GRID2: variants seen among roughly 807,000 people sequenced by gnomAD.
GRID2 encodes glutamate ionotropic receptor delta type subunit 2.
A neutral mutation model predicts 114.8 loss-of-function variants in GRID2; 33 were observed. The ratio of observed to expected loss-of-function variants is 0.29; its 90% CI spans 0.22 to 0.38. The LOEUF is 0.38. Ranked by LOEUF, GRID2 falls within the 10% of genes least tolerant of loss-of-function variation. The pLI is 1.00. For synonymous variants in GRID2, 505 were observed against 449.9 expected (o/e 1.12, Z -1.55); for missense variants, 1,184 against 1,257.7 (o/e 0.94, Z 0.89).
At chr4:93,156,037 G>A (rs1737154334) in intron 4 of GRID2, among the ~76,000 whole-genome samples, 1 of 151,600 alleles carries the variant, frequency 6.6e-6, no homozygotes, top group African/African-American at 2.4e-5. Flanking sequence ...TTACCACAAT[G>A]TGATTGTTAC....
chr4:93,565,919 G>T (rs1015543756), intron 13 of GRID2, among the ~76,000 whole-genome samples: 5 of 152,052 alleles, frequency 3.3e-5, no homozygotes, highest in Non-Finnish European at 2.9e-5. Context: ...TAATTTAGAG[G>T]CACTATATTA....
intron 2 of GRID2, among the ~76,000 whole-genome samples, chr4:93,070,088 G>T (rs780262700): frequency 6.6e-6 from 1 of 152,034 alleles, no homozygotes; most frequent in Admixed American, 6.6e-5. Flanking sequence ...CACACAAAAA[G>T]TATTAGTGTC....
intron 9 of GRID2, among the ~76,000 whole-genome samples, chr4:93,419,233 A>G (rs1580016886): frequency 6.6e-6 from 1 of 151,786 alleles, no homozygotes; most frequent in Non-Finnish European, 1.5e-5. Flanking sequence ...TTTGAGAGTA[A>G]TATCTATGAC....
Position 93,207,426 on chromosome 4 carries a change from C to G in GRID2, c.758C>G (p.Ala253Gly), listed in dbSNP as rs748171779. ...ITEVVETNLVAFDCHWIIINE... is the reference protein window; with the variant it reads ...ITEVVETNLVGFDCHWIIINE... Reference sequence around the variant, plus strand: ...TAGGTTGTGGAGACTAATTTGGTTGCTTTTGACTGTCACTGGATCATTATA... The same window carrying G: ...TAGGTTGTGGAGACTAATTTGGTTGGTTTTGACTGTCACTGGATCATTATA... The change falls in exon 5 of 16, where the codon GCT (alanine) becomes GGT (glycine). Residue 253 changes from alanine to glycine, a missense_variant. Transcript: ENST00000282020. 8 of 1,602,990 alleles carry G rather than the reference C, an allele frequency of 5.0e-6. No homozygotes were observed. Among genetic ancestry groups the G allele is most frequent in the Non-Finnish European group, 6.8e-6 (8 of 1,170,524 alleles).
chr4:92,323,086 C>T (rs1726401010), intron 1 of GRID2, among the ~76,000 whole-genome samples: 2 of 152,030 alleles, frequency 1.3e-5, no homozygotes, highest in African/African-American at 2.4e-5. Flanking sequence ...AGTATTCTCA[C>T]ATGGAGTGTA....
chr4:92,572,659 C>A (rs1006833992), intron 1 of GRID2, among the ~76,000 whole-genome samples: 1 of 152,122 alleles, frequency 6.6e-6, no homozygotes, highest in Non-Finnish European at 1.5e-5. Flanking sequence ...GTATGTTGAA[C>A]CATCCTTGCA....
intron 2 of GRID2, among the ~76,000 whole-genome samples, chr4:92,695,204 G>A (rs745709845): frequency 4.6e-5 from 7 of 152,012 alleles, no homozygotes; most frequent in African/African-American, 9.7e-5. Context: ...GGGCTTAAGC[G>A]ACACACCTGC....
At chr4:92,526,534 G>A (rs575944117) in intron 1 of GRID2, among the ~76,000 whole-genome samples, 1 of 152,040 alleles carries the variant, frequency 6.6e-6, no homozygotes, top group African/African-American at 2.4e-5. Flanking sequence ...AGTAGAGCCA[G>A]GGTTTCACCA....
intron 2 of GRID2, among the ~76,000 whole-genome samples, chr4:92,767,444 A>G (rs569331859): frequency 1.6e-3 from 245 of 152,308 alleles, no homozygotes; most frequent in African/African-American, 5.8e-3. Context: ...TTGATAATCC[A>G]TAAACATGAT....
rs531051406 is a variant in GRID2 at position 92,331,704 on chromosome 4, T to C, written c.88+26960T>C. 1.4e-4 allele frequency among the ~76,000 whole-genome samples: 21 copies of C among 152,338 alleles called. 1 individual carries two copies. Among genetic ancestry groups the C allele is most frequent in the Admixed American group, 1.1e-3 (17 of 15,294 alleles). On this transcript the variant is annotated intron_variant, in intron 1 of 15. Coordinates refer to ENST00000282020, the MANE Select transcript of GRID2 (RefSeq NM_001510.4). ...ACCCTATTGAGCCAGACAATTTTTT[T>C]AAAATCCTGGTTTACATAACACTGT... is the stretch of plus-strand genomic sequence containing the variant.
chr4:93,396,012 A>G (rs1765295459), intron 9 of GRID2, among the ~76,000 whole-genome samples: 1 of 151,998 alleles, frequency 6.6e-6, no homozygotes, highest in Non-Finnish European at 1.5e-5. Flanking sequence ...TCTTTCATTA[A>G]AACTGTAGTG....
At chr4:92,328,021 A>G (rs1252501513) in intron 1 of GRID2, among the ~76,000 whole-genome samples, 3 of 152,090 alleles carry the variant, frequency 2.0e-5, no homozygotes, top group Admixed American at 2.0e-4. Context: ...GTTTGCTTCT[A>G]ATATATGTTA....
intron 14 of GRID2, among the ~76,000 whole-genome samples, chr4:93,672,277 A>AC (rs747088473): frequency 9.2e-5 from 14 of 151,928 alleles, no homozygotes; most frequent in East Asian, 7.8e-4. Context: ...CCAAGGGGGA[A>AC]CCCCCCCACC....
intron 2 of GRID2, among the ~76,000 whole-genome samples, chr4:92,827,237 A>C (rs1218822428): frequency 6.6e-6 from 1 of 152,018 alleles, no homozygotes; most frequent in Non-Finnish European, 1.5e-5. Flanking sequence ...TTTATCCAAA[A>C]AATATTTGTT....
chr4:92,583,579 G>A (rs1728279058), intron 1 of GRID2, among the ~76,000 whole-genome samples: 1 of 151,682 alleles, frequency 6.6e-6, no homozygotes, highest in African/African-American at 2.4e-5. Flanking sequence ...ATAAGAGGCT[G>A]CTGAAACATT....
In GRID2 at chr4:93,626,225, A is replaced by G. The variant is rs760774543; in HGVS notation, c.2194-44A>G. ...TCCTGTCTATGTAAATTAAAATTCC[A>G]ACTTTAAACCCTATTTCTTCTTTTG... On this transcript the variant is annotated intron_variant, in intron 13 of 15. Transcript: ENST00000282020. 8 of 1,134,170 alleles carry G rather than the reference A, an allele frequency of 7.1e-6. No homozygotes were observed. The East Asian group carries it at 1.7e-4, about 24-fold the overall frequency. The allele number at this position is 1,134,170 out of a possible 1,614,324, so 70.3% of individuals were successfully genotyped here.
intron 1 of GRID2, among the ~76,000 whole-genome samples, chr4:92,578,938 A>G (rs1728041656): frequency 6.6e-6 from 1 of 152,212 alleles, no homozygotes; most frequent in South Asian, 2.1e-4. Context: ...ACCAGAATTC[A>G]CAGATACAAA....
At chr4:92,668,602 C>T (rs1732898864) in intron 2 of GRID2, among the ~76,000 whole-genome samples, 1 of 151,726 alleles carries the variant, frequency 6.6e-6, no homozygotes, top group African/African-American at 2.4e-5. Flanking sequence ...ATCTAGATTC[C>T]TGCTTCTATC....
At chr4:93,590,953 G>A (rs1375773659) in intron 13 of GRID2, among the ~76,000 whole-genome samples, 1 of 151,498 alleles carries the variant, frequency 6.6e-6, no homozygotes, top group Non-Finnish European at 1.5e-5. Flanking sequence ...AGGAGATTTT[G>A]GGCTGAGACG....
Sources: gnomAD v4.1 joint callset for allele counts (sites outside exome capture counted in the v4.1 genomes callset) on GRCh38, gnomAD v4.1.1 for gene constraint, MANE v1.5 for transcripts, NCBI Gene and HGNC (gene_info 2026-07-23, HGNC 2026-07-21) for gene names.